Variants in NLGN1 observed in about 807,000 individuals in gnomAD.
The protein encoded by NLGN1 is neuroligin 1.
Under a neutral mutation model 65.5 loss-of-function variants are expected in NLGN1, and 12 were observed. The observed-to-expected ratio is 0.18, with a 90% confidence interval of 0.12 to 0.30. The LOEUF is 0.30. Ranked by LOEUF, NLGN1 falls within the 10% of genes least tolerant of loss-of-function variation. The probability of loss-of-function intolerance (pLI) is 1.00; values close to 1 mark genes in which losing one functional copy is unlikely to be tolerated. For missense variants in NLGN1, 750 were observed against 1,007.1 expected (o/e 0.74, Z 3.46); for synonymous variants, 350 against 359.5 (o/e 0.97, Z 0.30).
chr3:173,884,458 G>C (rs1465773066), intron 4 of NLGN1, among the ~76,000 whole-genome samples: 2 of 152,096 alleles, frequency 1.3e-5, no homozygotes, highest in African/African-American at 4.8e-5. Flanking sequence ...TGATCTTTAA[G>C]TAAGTAGCAT....
At chr3:173,428,912 G>T (rs1207389752) in intron 1 of NLGN1, among the ~76,000 whole-genome samples, 1 of 151,468 alleles carries the variant, frequency 6.6e-6, no homozygotes, top group African/African-American at 2.4e-5. Context: ...CTTTTGTTTT[G>T]CTGCTTTTAC....
chr3:173,445,538 C>T (rs1720108169), intron 2 of NLGN1, among the ~76,000 whole-genome samples: 1 of 152,124 alleles, frequency 6.6e-6, no homozygotes, highest in African/African-American at 2.4e-5. Context: ...TGAACTGACT[C>T]CAATTCCTGA....
At chr3:173,923,189 G>T (rs1742373790) in intron 4 of NLGN1, among the ~76,000 whole-genome samples, 1 of 152,014 alleles carries the variant, frequency 6.6e-6, no homozygotes, top group South Asian at 2.1e-4. Flanking sequence ...AAGCTAAGAG[G>T]TGGAAAAAAG....
intron 4 of NLGN1, 64 bp downstream of exon 4, chr3:173,807,896 A>G: frequency 6.6e-7 from 1 of 1,521,486 alleles, no homozygotes; most frequent in South Asian, 1.1e-5. Flanking sequence ...TTTTGTTTTG[A>G]CTTGTTTTGT....
At chr3:174,126,184 C>G (rs945708976) in intron 4 of NLGN1, among the ~76,000 whole-genome samples, 7 of 152,004 alleles carry the variant, frequency 4.6e-5, no homozygotes, top group African/African-American at 1.7e-4. Context: ...TGTATTGTCA[C>G]TGTTTCTTTG....
intron 2 of NLGN1, among the ~76,000 whole-genome samples, chr3:173,561,121 A>G (rs1742662970): frequency 1.3e-5 from 2 of 152,228 alleles, no homozygotes; most frequent in Admixed American, 6.5e-5. Context: ...TCTTCTGGGC[A>G]TAAGATTTCT....
intron 3 of NLGN1, among the ~76,000 whole-genome samples, chr3:173,734,921 C>T (rs1373932251): frequency 6.6e-6 from 1 of 152,058 alleles, no homozygotes; most frequent in Non-Finnish European, 1.5e-5. Context: ...TGGATCTTTT[C>T]TTAGATTATG....
intron 3 of NLGN1, among the ~76,000 whole-genome samples, chr3:173,690,253 G>A (rs1367969608): frequency 6.6e-6 from 1 of 152,146 alleles, no homozygotes. Flanking sequence ...CTCTACTCAA[G>A]TGAAGAGGAC....
chr3:173,404,704 AGAT>A (rs915383545), intron 1 of NLGN1, among the ~76,000 whole-genome samples: 2 of 152,162 alleles, frequency 1.3e-5, no homozygotes, highest in Non-Finnish European at 2.9e-5. Context: ...GACACAGTAC[AGAT>A]GATTAGAAGG....
chr3:174,149,968 A>G (rs1471061803), intron 4 of NLGN1, among the ~76,000 whole-genome samples: 1 of 152,134 alleles, frequency 6.6e-6, no homozygotes, highest in Admixed American at 6.5e-5. Context: ...CAATACATGG[A>G]TAAATTACAC....
chr3:173,800,722 C>A (rs543561963), intron 3 of NLGN1, among the ~76,000 whole-genome samples: 1 of 151,594 alleles, frequency 6.6e-6, no homozygotes, highest in Admixed American at 6.6e-5. Context: ...GTTTTCTAAT[C>A]TATGTAAATA....
At chr3:173,805,720 G>T (rs1341720257) in intron 3 of NLGN1, among the ~76,000 whole-genome samples, 1 of 152,136 alleles carries the variant, frequency 6.6e-6, no homozygotes, top group South Asian at 2.1e-4. Flanking sequence ...ACAATTAGCC[G>T]AGTACAGTGT....
At chr3:173,539,668 C>CATATATAACATATATGTATATATAT (rs1560406286) in intron 2 of NLGN1, among the ~76,000 whole-genome samples, 1 of 66,052 alleles carries the variant, frequency 1.5e-5, no homozygotes, top group Non-Finnish European at 3.8e-5. Context: ...TGTATATATG[C>CATATATAACATATATGTATATATAT]ACATATATAA....
intron 4 of NLGN1, among the ~76,000 whole-genome samples, chr3:173,954,748 A>G (rs1711563147): frequency 6.6e-6 from 1 of 151,772 alleles, no homozygotes; most frequent in African/African-American, 2.4e-5. Context: ...CTCTTTCCAA[A>G]CTCTCCTTTT....
chr3:173,685,647 G>GT, intron 3 of NLGN1: 7 of 985,238 alleles, frequency 7.1e-6, no homozygotes, highest in Non-Finnish European at 8.4e-6. Context: ...TGAGCTCTAA[G>GT]TTGTTAGGGC....
chr3:173,998,888 C>A (rs1408073119), intron 4 of NLGN1, among the ~76,000 whole-genome samples: 1 of 152,186 alleles, frequency 6.6e-6, no homozygotes, highest in Non-Finnish European at 1.5e-5. Flanking sequence ...AATGCCATCA[C>A]TTGGGTCTGA....
At chr3:173,448,446 T>C (rs539127623) in intron 2 of NLGN1, among the ~76,000 whole-genome samples, 4,238 of 152,276 alleles carry the variant, frequency 0.028, 198 homozygotes, top group African/African-American at 0.094. Context: ...TTTTGATGTG[T>C]TGCTGTATTT....
intron 3 of NLGN1, among the ~76,000 whole-genome samples, chr3:173,702,193 C>G (rs1767298073): frequency 1.3e-5 from 2 of 148,974 alleles, no homozygotes; most frequent in Admixed American, 6.7e-5. Context: ...GAGCCGAGAT[C>G]CCGCCACTGC....
chr3:173,845,536 T>C (rs1304609110), intron 4 of NLGN1, among the ~76,000 whole-genome samples: 1 of 151,904 alleles, frequency 6.6e-6, no homozygotes, highest in African/African-American at 2.4e-5. Context: ...GACTCAATAA[T>C]TTTTACTTAA....
Sources: gnomAD v4.1 joint callset for allele counts (sites outside exome capture counted in the v4.1 genomes callset) on GRCh38, gnomAD v4.1.1 for gene constraint, MANE v1.5 for transcripts, NCBI Gene and HGNC (gene_info 2026-07-23, HGNC 2026-07-21) for gene names.